Variants in TEX11 observed in about 807,000 individuals in gnomAD.
TEX11 encodes testis expressed 11.
A neutral mutation model predicts 84.4 loss-of-function variants in TEX11; 7 were observed. That is an observed-to-expected ratio of 0.08 (90% CI 0.05 to 0.16). The LOEUF is 0.16. Among genes scored for constraint, TEX11 ranks in the 10% least tolerant of loss-of-function variants. The probability of loss-of-function intolerance (pLI) is 1.00; values close to 1 mark genes in which losing one functional copy is unlikely to be tolerated. For missense variants in TEX11, 551 were observed against 660.5 expected (o/e 0.83, Z 1.82); for synonymous variants, 264 against 222.8 (o/e 1.18, Z -1.64).
chrX:70,892,991 G>A (rs2091747020), intron 2 of TEX11, among the ~76,000 whole-genome samples: 1 of 111,152 alleles, frequency 9.0e-6, no homozygotes, highest in Admixed American at 9.6e-5. Context: ...AATACAACAA[G>A]AAGAGCTAAC....
intron 9 of TEX11, among the ~76,000 whole-genome samples, chrX:70,797,075 A>G (rs2091159715): frequency 8.9e-6 from 1 of 112,210 alleles, no homozygotes; most frequent in Non-Finnish European, 1.9e-5. Context: ...AGAACTTAAA[A>G]CAGAACTACT....
chrX:70,661,050 C>T (rs752117247), intron 16 of TEX11, among the ~76,000 whole-genome samples: 23 of 112,120 alleles, frequency 2.1e-4, no homozygotes, highest in East Asian at 1.7e-3. Flanking sequence ...TGCAGCACAC[C>T]GAGCGTGAGC....
intron 17 of TEX11, among the ~76,000 whole-genome samples, chrX:70,650,211 G>C (rs757726133): frequency 8.1e-5 from 9 of 110,634 alleles, no homozygotes; most frequent in Non-Finnish European, 1.5e-4. Context: ...TTATATGACT[G>C]TATGCACTTC....
intron 13 of TEX11, among the ~76,000 whole-genome samples, chrX:70,687,880 A>G (rs2090202079): frequency 9.5e-6 from 1 of 104,851 alleles, no homozygotes; most frequent in South Asian, 4.4e-4. Context: ...AGGAAGAAAA[A>G]GAAAGAAAAG....
intron 17 of TEX11, among the ~76,000 whole-genome samples, chrX:70,639,610 C>A (rs2089624448): frequency 9.0e-6 from 1 of 111,572 alleles, no homozygotes; most frequent in African/African-American, 3.3e-5. Flanking sequence ...GCTCCCTGAC[C>A]CCTGACCCCC....
At chrX:70,807,452 T>A (rs2091225530) in intron 8 of TEX11, among the ~76,000 whole-genome samples, 1 of 111,846 alleles carries the variant, frequency 8.9e-6, no homozygotes, top group South Asian at 3.7e-4. Flanking sequence ...AGCATCTCAG[T>A]CCCTGCATTA....
At chrX:70,718,503 TC>T (rs2090526940) in intron 13 of TEX11, among the ~76,000 whole-genome samples, 1 of 112,170 alleles carries the variant, frequency 8.9e-6, no homozygotes, top group African/African-American at 3.2e-5. Flanking sequence ...ATGAGCACTT[TC>T]GCGAGAAAGA....
intron 13 of TEX11, among the ~76,000 whole-genome samples, chrX:70,711,603 A>G (rs1426630556): frequency 8.0e-5 from 9 of 111,934 alleles, no homozygotes; most frequent in South Asian, 3.7e-4. Flanking sequence ...AGAAGTGTCC[A>G]TTCATATCCT....
At chrX:70,906,590 C>A (rs1170756491) in intron 2 of TEX11, among the ~76,000 whole-genome samples, 1 of 110,624 alleles carries the variant, frequency 9.0e-6, no homozygotes, top group Admixed American at 9.8e-5. Context: ...GAGTTCGAGA[C>A]CAGCTTGACC....
At chrX:70,533,189 C>G (rs1164109195) in intron 28 of TEX11, among the ~76,000 whole-genome samples, 1 of 111,845 alleles carries the variant, frequency 8.9e-6, no homozygotes, top group Non-Finnish European at 1.9e-5. Flanking sequence ...AATTTGGTAA[C>G]TGATTTGATA....
intron 28 of TEX11, among the ~76,000 whole-genome samples, chrX:70,542,877 G>A (rs1325868518): frequency 6.2e-5 from 7 of 112,626 alleles, no homozygotes; most frequent in African/African-American, 2.3e-4. Context: ...AGAGCCAAGA[G>A]GGTTATTAAA....
At chrX:70,698,465 T>A (rs1329341137) in intron 13 of TEX11, among the ~76,000 whole-genome samples, 1 of 106,354 alleles carries the variant, frequency 9.4e-6, no homozygotes, top group Admixed American at 1.0e-4. Flanking sequence ...GAGGTGAGAA[T>A]CCTGAAACCC....
At chrX:70,815,881 A>G (rs1289103947) in intron 8 of TEX11, among the ~76,000 whole-genome samples, 1 of 112,319 alleles carries the variant, frequency 8.9e-6, no homozygotes, top group Non-Finnish European at 1.9e-5. Flanking sequence ...TCACAAAATC[A>G]TCTTAAAAGT....
chrX:70,649,447 T>C (rs2089786329), intron 17 of TEX11, among the ~76,000 whole-genome samples: 1 of 112,548 alleles, frequency 8.9e-6, no homozygotes, highest in African/African-American at 3.2e-5. Context: ...TTTCAAGTGC[T>C]GATGAGGATG....
intron 17 of TEX11, among the ~76,000 whole-genome samples, chrX:70,638,979 T>C (rs1453600199): frequency 9.1e-6 from 1 of 109,312 alleles, no homozygotes; most frequent in Non-Finnish European, 1.9e-5. Context: ...GACGGGTGAT[T>C]TCTGCATTTC....
At chrX:70,601,534 C>CTTTTTTT (rs1182961993) in intron 24 of TEX11, among the ~76,000 whole-genome samples, 158 of 63,288 alleles carry the variant, frequency 2.5e-3, no homozygotes, top group African/African-American at 2.8e-3. Context: ...CAGCATCATT[C>CTTTTTTT]TTTTTTTTTT....
intron 13 of TEX11, among the ~76,000 whole-genome samples, chrX:70,695,673 G>A (rs536323844): frequency 5.7e-4 from 64 of 111,741 alleles, no homozygotes; most frequent in African/African-American, 2.0e-3. Flanking sequence ...CATAAAATTG[G>A]GCATTTCTTT....
At chrX:70,523,184 A>C in the TEX11 span, among the ~76,000 whole-genome samples, 1 of 111,074 alleles carries the variant, frequency 9.0e-6, no homozygotes, top group Admixed American at 9.7e-5. Flanking sequence ...CTTACCAGAC[A>C]ACAAAGATAA....
At chrX:70,595,702 G>C (rs1331458329) in intron 24 of TEX11, among the ~76,000 whole-genome samples, 1 of 111,149 alleles carries the variant, frequency 9.0e-6, no homozygotes, top group Non-Finnish European at 1.9e-5. Flanking sequence ...CAAAAGAAAA[G>C]AGTAAAGGAG....
Sources: gnomAD v4.1 joint callset for allele counts (sites outside exome capture counted in the v4.1 genomes callset) on GRCh38, gnomAD v4.1.1 for gene constraint, MANE v1.5 for transcripts, NCBI Gene and HGNC (gene_info 2026-07-23, HGNC 2026-07-21) for gene names.